Variants in DDX60 observed in about 807,000 individuals in gnomAD.
DDX60 encodes probable ATP-dependent RNA helicase DDX60.
In DDX60, 165 loss-of-function variants were observed where a neutral mutation model predicts 212.8. That is an observed-to-expected ratio of 0.78 (90% confidence interval 0.68 to 0.88). The LOEUF (loss-of-function observed/expected upper bound fraction) is 0.88. DDX60 is among the 40% of genes least tolerant of loss of function. The pLI is 0.00. For synonymous variants in DDX60, 703 were observed against 685.3 expected (o/e 1.03, Z -0.40); for missense variants, 1,905 against 2,003.9 (o/e 0.95, Z 0.94).
At chr4:168,273,868 A>G (rs1003155489) in intron 17 of DDX60, 66 bp downstream of exon 17, 1 of 1,526,492 alleles carries the variant, frequency 6.6e-7, no homozygotes, top group African/African-American at 1.4e-5. Flanking sequence ...CCATGTGACC[A>G]TGTTCATTAT....
intron 37 of DDX60, 154 bp downstream of exon 37, chr4:168,220,501 C>G: frequency 1.9e-6 from 1 of 521,526 alleles, no homozygotes; most frequent in South Asian, 2.4e-5. Flanking sequence ...GTTGAACAGA[C>G]ATTCTGCAGA....
At chr4:168,290,405 T>C (rs1214566226) in intron 8 of DDX60, among the ~76,000 whole-genome samples, 1 of 150,422 alleles carries the variant, frequency 6.6e-6, no homozygotes, top group Non-Finnish European at 1.5e-5. Context: ...CTCGGCTCAC[T>C]GCAAGCTCCG....
At chr4:168,273,024 T>C (rs1735170145) in intron 18 of DDX60, among the ~76,000 whole-genome samples, 3 of 152,168 alleles carry the variant, frequency 2.0e-5, no homozygotes, top group African/African-American at 7.2e-5. Flanking sequence ...TGAATCCCTT[T>C]ACAAACCAAG....
At chr4:168,314,439 T>C (rs1737277014) in intron 1 of DDX60, among the ~76,000 whole-genome samples, 1 of 152,058 alleles carries the variant, frequency 6.6e-6, no homozygotes, top group African/African-American at 2.4e-5. Context: ...ACCTTCAAAA[T>C]TTTCTAATTA....
At chr4:168,239,536 G>T (rs537007962) in intron 30 of DDX60, among the ~76,000 whole-genome samples, 5 of 152,234 alleles carry the variant, frequency 3.3e-5, no homozygotes, top group African/African-American at 1.2e-4. Context: ...AACTGAATAA[G>T]GAACATTGTC....
intron 28 of DDX60, among the ~76,000 whole-genome samples, chr4:168,248,524 G>A (rs757612581): frequency 3.3e-5 from 5 of 152,094 alleles, no homozygotes; most frequent in Non-Finnish European, 5.9e-5. Context: ...CGTTTCTCTG[G>A]CTTCTTCAGC....
intron 25 of DDX60, among the ~76,000 whole-genome samples, chr4:168,257,379 T>A (rs1309754222): frequency 1.3e-5 from 2 of 152,214 alleles, no homozygotes; most frequent in African/African-American, 4.8e-5. Flanking sequence ...TTAACTCATT[T>A]AGTACTCACA....
At chr4:168,249,729 C>T (rs12509406) in intron 28 of DDX60, among the ~76,000 whole-genome samples, 9,895 of 151,958 alleles carry the variant, frequency 0.065, 476 homozygotes, top group East Asian at 0.15. Context: ...AAATATTGTA[C>T]GTGGTTATTA....
At chr4:168,294,211 G>A (rs1736241357) in intron 6 of DDX60, among the ~76,000 whole-genome samples, 1 of 152,056 alleles carries the variant, frequency 6.6e-6, no homozygotes, top group Non-Finnish European at 1.5e-5. Flanking sequence ...TATAACAAGA[G>A]AAACAATGAA....
At chr4:168,223,486 C>T (rs979931821) in intron 35 of DDX60, among the ~76,000 whole-genome samples, 1 of 151,770 alleles carries the variant, frequency 6.6e-6, no homozygotes, top group Non-Finnish European at 1.5e-5. Flanking sequence ...CTGACTTGTT[C>T]TTAACTTACT....
intron 33 of DDX60, among the ~76,000 whole-genome samples, chr4:168,233,380 G>T (rs1733522192): frequency 6.6e-6 from 1 of 151,882 alleles, no homozygotes; most frequent in African/African-American, 2.4e-5. Context: ...AGGAAAAGAA[G>T]TCTTTACACA....
rs114434607 is a variant in DDX60, at chr4:168,311,451, A to C, written c.-106-86T>G. 966 of 554,888 alleles carry C rather than the reference A, an allele frequency of 1.7e-3. 8 individuals carry two copies. The highest frequency in any genetic ancestry group is 1.2e-3 in the Non-Finnish European group (379 of 309,576). The allele number at this position is 554,888 out of a possible 1,614,324, so 34.4% of individuals were successfully genotyped here. A position where few individuals can be genotyped will look rare whatever the true frequency, so the allele number is the denominator to read the frequency against. On this transcript the variant is annotated intron_variant, in intron 1 of 37. Coordinates refer to ENST00000393743, the MANE Select transcript of DDX60 (RefSeq NM_017631.6). ...TATGTAAAGCAAAATATTAGACACA[A>C]GGAATACAAGAATGAACAAATCAAC...
chr4:168,222,914 A>T (rs536514269), intron 35 of DDX60, among the ~76,000 whole-genome samples: 1 of 152,202 alleles, frequency 6.6e-6, no homozygotes, highest in East Asian at 1.9e-4. Context: ...TATTCACACT[A>T]CAAAATATTA....
chr4:168,324,719 T>C, the DDX60 span, among the ~76,000 whole-genome samples: 1 of 152,244 alleles, frequency 6.6e-6, no homozygotes, highest in Non-Finnish European at 1.5e-5. Context: ...CAGGGTCTTA[T>C]ACTTATGCAT....
intron 8 of DDX60, among the ~76,000 whole-genome samples, chr4:168,290,303 A>C (rs1479140630): frequency 1.5e-5 from 2 of 133,780 alleles, no homozygotes; most frequent in African/African-American, 2.8e-5. Context: ...ACTTCTCTTC[A>C]TTTCTTTCTG....
In DDX60 at chr4:168,306,368, A is replaced by G; in HGVS notation, c.606+11T>C. 1 of 1,568,334 alleles carries G rather than the reference A, an allele frequency of 6.4e-7. No individual in the cohort carries two copies. The highest frequency in any genetic ancestry group is 8.6e-7 in the Non-Finnish European group (1 of 1,157,106). On this transcript the variant is annotated intron_variant, in intron 5 of 37. Transcript: ENST00000393743. ...ATTTCTAGAAGAAATTGTCTTTTGG[A>G]TGTGAATTACCTTCCAGGAAAAAAT...
intron 22 of DDX60, among the ~76,000 whole-genome samples, chr4:168,266,886 T>C (rs866008942): frequency 1.3e-5 from 2 of 152,160 alleles, no homozygotes; most frequent in African/African-American, 4.8e-5. Flanking sequence ...CCTTTAATCA[T>C]CACAACAATC....
At position 168,292,029 on chromosome 4, in the gene DDX60, C is replaced by T. The variant is rs2149535626; in HGVS notation, c.883-123G>A. On this transcript the variant is annotated intron_variant, in intron 7 of 37. Coordinates refer to ENST00000393743, the MANE Select transcript of DDX60 (RefSeq NM_017631.6). The stretch of plus-strand genomic sequence containing the variant: ...TTCAGGAATCATGAATTATTCCTTT[C>T]TTTCTTTCTTTCTTTCTTTCTTTTT... The T allele has an allele frequency of 2.5e-5, 10 of 394,218 alleles. No homozygotes were observed. The South Asian group carries it at 3.0e-4, about 12-fold the overall frequency. The allele number at this position is 394,218 out of a possible 1,614,324, so 24.4% of individuals were successfully genotyped here.
chr4:168,304,405 T>C (rs1736787370), intron 5 of DDX60, among the ~76,000 whole-genome samples: 1 of 151,908 alleles, frequency 6.6e-6, no homozygotes, highest in African/African-American at 2.4e-5. Flanking sequence ...AGAATAATGA[T>C]AAAAAGAAAG....
Sources: gnomAD v4.1 joint callset for allele counts (sites outside exome capture counted in the v4.1 genomes callset) on GRCh38, gnomAD v4.1.1 for gene constraint, MANE v1.5 for transcripts, NCBI Gene and HGNC (gene_info 2026-07-23, HGNC 2026-07-21) for gene names.